TAF4B: variants seen among roughly 807,000 people sequenced by gnomAD.
The protein encoded by TAF4B is transcription initiation factor TFIID subunit 4B.
In TAF4B, 38 loss-of-function variants were observed where a neutral mutation model predicts 86.4. The ratio of observed to expected loss-of-function variants is 0.44; its 90% CI spans 0.34 to 0.58. The LOEUF is 0.58. Ranked by LOEUF, TAF4B falls within the 20% of genes least tolerant of loss-of-function variation. The pLI is 0.02. For missense variants in TAF4B, 988 were observed against 1,027.6 expected, an observed-to-expected ratio of 0.96 and a Z score of 0.53; for synonymous variants, 388 against 391.2, an observed-to-expected ratio of 0.99 and a Z score of 0.10.
chr18:26,337,071 C>T (rs1425615799), intron 13 of TAF4B, among the ~76,000 whole-genome samples: 1 of 152,158 alleles, frequency 6.6e-6, no homozygotes, highest in Non-Finnish European at 1.5e-5. Context: ...CTGTGTTTTT[C>T]TCTTCCTTTG....
intron 14 of TAF4B, among the ~76,000 whole-genome samples, chr18:26,372,135 G>A (rs1395016407): frequency 6.6e-6 from 1 of 152,174 alleles, no homozygotes; most frequent in East Asian, 1.9e-4. Flanking sequence ...TAAACTCAGC[G>A]ACTAACAGTT....
In TAF4B at chr18:26,390,112, C is replaced by G; in HGVS notation, c.*100C>G. Reference sequence around the variant, plus strand: ...AATTTCAATTTCTGGAAAATAATCACCAACATGAAAGAGCATTGTTTACAG... The same window carrying G: ...AATTTCAATTTCTGGAAAATAATCAGCAACATGAAAGAGCATTGTTTACAG... On this transcript the variant is annotated 3_prime_UTR_variant, in exon 15 of 15. Coordinates refer to ENST00000269142, the MANE Select transcript of TAF4B (RefSeq NM_005640.3). 1 of 1,258,006 alleles carries G rather than the reference C, an allele frequency of 7.9e-7. No homozygotes were observed. The highest frequency in any genetic ancestry group is 1.1e-6 in the Non-Finnish European group (1 of 912,352). 77.9% of individuals were successfully genotyped at this position (1,258,006 alleles called of 1,614,324 possible).
In TAF4B at chr18:26,285,888, G is replaced by A. The variant is rs773753203; in HGVS notation, c.979G>A (p.Val327Met). The A allele has an allele frequency of 1.2e-5, 19 of 1,601,308 alleles. No individual in the cohort carries two copies. In the East Asian group the frequency reaches 3.1e-4, roughly 26 times the overall value. Residue 327 changes from valine to methionine, a missense_variant, in exon 7 of 15, where the codon GTG becomes ATG. This residue lies in a region of TAF4B where 747 missense variants were observed against 737.9 expected (regional missense o/e 1.01). Transcript: ENST00000269142. ...PHLVPFLKKSVVALRQLLPNS... is the reference protein window; with the variant it reads ...PHLVPFLKKSMVALRQLLPNS... ...CATTCCTCTGCATTTCCAGAAAAGC[G>A]TGGTTGCCTTACGACAACTTCTGCC...
chr18:26,347,730 A>G (rs2144719952), intron 13 of TAF4B, among the ~76,000 whole-genome samples: 1 of 152,320 alleles, frequency 6.6e-6, no homozygotes, highest in African/African-American at 2.4e-5. Flanking sequence ...GAAGAATAGA[A>G]AAAGACATTT....
At chr18:26,375,035 C>G (rs942588052) in intron 14 of TAF4B, among the ~76,000 whole-genome samples, 2 of 152,174 alleles carry the variant, frequency 1.3e-5, no homozygotes, top group Non-Finnish European at 2.9e-5. Context: ...AGAACATTTT[C>G]ATTACCCTAC....
intron 1 of TAF4B, among the ~76,000 whole-genome samples, chr18:26,257,835 CTGCGTGCG>C (rs896991614): frequency 8.1e-6 from 1 of 123,264 alleles, no homozygotes; most frequent in African/African-American, 3.3e-5. Context: ...TGGCTTTCCT[CTGCGTGCG>C]TGTGTGTGTG....
At chr18:26,379,943 T>C (rs2057467062) in intron 14 of TAF4B, among the ~76,000 whole-genome samples, 1 of 152,164 alleles carries the variant, frequency 6.6e-6, no homozygotes, top group African/African-American at 2.4e-5. Context: ...TTTAAAATTA[T>C]ATACTTTCCA....
chr18:26,344,423 T>C (rs1397604447), intron 13 of TAF4B, among the ~76,000 whole-genome samples: 1 of 151,990 alleles, frequency 6.6e-6, no homozygotes, highest in Non-Finnish European at 1.5e-5. Context: ...CAAAACATTT[T>C]TAAAAGGAAC....
chr18:26,385,528 G>A (rs565559152), intron 14 of TAF4B, among the ~76,000 whole-genome samples: 1 of 150,938 alleles, frequency 6.6e-6, no homozygotes, highest in South Asian at 2.2e-4. Context: ...GACATCTTTT[G>A]TGCACCTGGG....
intron 14 of TAF4B, among the ~76,000 whole-genome samples, chr18:26,360,144 T>G (rs964265328): frequency 6.6e-6 from 1 of 152,222 alleles, no homozygotes; most frequent in African/African-American, 2.4e-5. Flanking sequence ...TACATAAATA[T>G]TATTTGTTGC....
rs145725230 is a variant in TAF4B at position 26,359,103 on chromosome 18, G to A, written c.2421+1309G>A. Reference sequence around the variant, plus strand: ...ATGCATTCACAAATCTACATGTGTGGTTTTGTTTTTAGTTAAATATGATCA... The same window carrying A: ...ATGCATTCACAAATCTACATGTGTGATTTTGTTTTTAGTTAAATATGATCA... On this transcript the variant is annotated intron_variant, in intron 14 of 14. Coordinates refer to ENST00000269142, the MANE Select transcript of TAF4B (RefSeq NM_005640.3). Among the ~76,000 whole-genome samples, 44 of 152,206 alleles carry A rather than the reference G, an allele frequency of 2.9e-4. 1 individual carries two copies. In the East Asian group the frequency reaches 8.3e-3, roughly 29 times the overall value.
At chr18:26,257,031 G>A (rs1356587406) in intron 1 of TAF4B, among the ~76,000 whole-genome samples, 1 of 152,054 alleles carries the variant, frequency 6.6e-6, no homozygotes, top group Non-Finnish European at 1.5e-5. Context: ...GGTCTGTCTT[G>A]GAGAATGTTT....
Position 26,227,107 on chromosome 18 carries a change from G to T in TAF4B, c.174G>T (p.Ala58=), listed in dbSNP as rs2055588610. 6.2e-7 allele frequency: 1 copy of T among 1,612,644 alleles called. No individual in the cohort carries two copies. Among genetic ancestry groups the T allele is most frequent in the Non-Finnish European group, 8.5e-7 (1 of 1,179,582 alleles). ...APVSVCVEPT[A]SQPLRSPVGT... is the part of the protein sequence containing the mutation. ...TCAGCGTCTGCGTGGAGCCCACGGC[G>T]TCCCAGCCCCTGCGGTCCCCCGTGG... The change falls in exon 1 of 15, where the codon GCG becomes GCT. Residue 58 remains alanine, a synonymous_variant. Transcript: ENST00000269142.
chr18:26,368,814 T>C (rs1416076608), intron 14 of TAF4B, among the ~76,000 whole-genome samples: 1 of 152,188 alleles, frequency 6.6e-6, no homozygotes, highest in East Asian at 1.9e-4. Context: ...GTTTGGTCTT[T>C]AAAATTTTCC....
chr18:26,386,012 C>T (rs898899113), intron 14 of TAF4B, among the ~76,000 whole-genome samples: 1 of 152,104 alleles, frequency 6.6e-6, no homozygotes, highest in African/African-American at 2.4e-5. Context: ...ATTTTGTATT[C>T]AGATTCAAGA....
intron 10 of TAF4B, among the ~76,000 whole-genome samples, chr18:26,317,404 T>G (rs774747750): frequency 3.9e-5 from 6 of 152,138 alleles, no homozygotes; most frequent in Non-Finnish European, 8.8e-5. Flanking sequence ...ATTAAAAGCA[T>G]TTTTGATCAC....
rs776907751 is a variant in TAF4B, at chr18:26,357,722, T to C, written c.2349T>C (p.His783=). The change falls in exon 14 of 15, where the codon CAT becomes CAC. Residue 783 remains histidine, a synonymous_variant. Coordinates refer to ENST00000269142, the MANE Select transcript of TAF4B (RefSeq NM_005640.3). ...AATTGGAACTTGCACAGATACAGCA[T>C]AGAGACGCTAATCTCACAGCTCTTG... ...LQQLELAQIQ[H]RDANLTALAA... is the part of the protein sequence containing the mutation. 7 of 1,612,926 alleles carry C rather than the reference T, an allele frequency of 4.3e-6. No individual in the cohort carries two copies. The highest frequency in any genetic ancestry group is 1.7e-5 in the Admixed American group (1 of 59,966).
At chr18:26,281,509 T>C (rs1204427827) in intron 5 of TAF4B, among the ~76,000 whole-genome samples, 1 of 152,210 alleles carries the variant, frequency 6.6e-6, no homozygotes, top group East Asian at 1.9e-4. Flanking sequence ...GAAGTACTTC[T>C]ACTAATTCTG....
At chr18:26,269,394 C>T (rs1253283543) in intron 3 of TAF4B, among the ~76,000 whole-genome samples, 1 of 152,092 alleles carries the variant, frequency 6.6e-6, no homozygotes, top group Non-Finnish European at 1.5e-5. Context: ...AGAGTATTGC[C>T]TCTATGTTTG....
Sources: gnomAD v4.1 joint callset for allele counts (sites outside exome capture counted in the v4.1 genomes callset) on GRCh38, gnomAD v4.1.1 for gene constraint, gnomAD v4.1.1 regional missense constraint, MANE v1.5 for transcripts, NCBI Gene and HGNC (gene_info 2026-07-23, HGNC 2026-07-21) for gene names.